Variants in KIF13A observed in about 807,000 individuals in gnomAD.
KIF13A encodes kinesin family member 13A, also known as kinesin-like protein KIF13A.
Under a neutral mutation model 212.2 loss-of-function variants are expected in KIF13A, and 79 were observed. The observed-to-expected ratio is 0.37, with a 90% CI of 0.31 to 0.45. KIF13A has a LOEUF of 0.45. KIF13A is among the 20% of genes least tolerant of loss of function. KIF13A has a pLI of 1.00. For missense variants in KIF13A, 1,901 were observed against 2,209.0 expected (o/e 0.86, Z 2.79); for synonymous variants, 789 against 808.6 (o/e 0.98, Z 0.41).
At chr6:17,966,688 G>C (rs1779346350) in intron 2 of KIF13A, among the ~76,000 whole-genome samples, 1 of 152,206 alleles carries the variant, frequency 6.6e-6, no homozygotes, top group South Asian at 2.1e-4. Context: ...AGATAGTTTT[G>C]AGAAATGTAT....
intron 2 of KIF13A, among the ~76,000 whole-genome samples, chr6:17,929,647 G>A (rs191812455): frequency 3.3e-5 from 5 of 152,240 alleles, no homozygotes; most frequent in South Asian, 4.1e-4. Flanking sequence ...TGATCTGCCC[G>A]CCTTGGCCTC....
chr6:17,793,914 T>TAA (rs548506216), intron 25 of KIF13A, among the ~76,000 whole-genome samples: 4 of 147,780 alleles, frequency 2.7e-5, no homozygotes, highest in African/African-American at 1.0e-4. Context: ...CCCTATCTTT[T>TAA]AAAAAAAAAA....
At chr6:17,814,002 G>C (rs1009112140) in intron 17 of KIF13A, among the ~76,000 whole-genome samples, 1 of 145,458 alleles carries the variant, frequency 6.9e-6, no homozygotes, top group Non-Finnish European at 1.5e-5. Flanking sequence ...GCCCAGGCTG[G>C]AGTGCAGTGG....
At chr6:17,977,068 C>T (rs563385203) in intron 2 of KIF13A, among the ~76,000 whole-genome samples, 1 of 148,996 alleles carries the variant, frequency 6.7e-6, no homozygotes, top group East Asian at 2.0e-4. Flanking sequence ...CGCCACTGCA[C>T]TCCAGCCTGG....
chr6:17,889,968 A>G (rs1041260015), intron 3 of KIF13A, among the ~76,000 whole-genome samples: 2 of 152,166 alleles, frequency 1.3e-5, no homozygotes, highest in Non-Finnish European at 2.9e-5. Context: ...AACACGGAGA[A>G]ACCTGTTGAC....
In KIF13A at chr6:17,826,806, T is replaced by A. The variant is rs1764996545; in HGVS notation, c.1533-682A>T. On this transcript the variant is annotated intron_variant, in intron 14 of 38. Coordinates refer to ENST00000259711, the MANE Select transcript of KIF13A (RefSeq NM_022113.6). This position sits in a 1 kb window ranked among gnomAD's most constrained non-coding sequence, Gnocchi z 4.7. ...GAATTATTATTAATTATTTTAGGTATGATGATATTGAAACTATATTTAAGA... is the reference window on the plus strand; with the variant it reads ...GAATTATTATTAATTATTTTAGGTAAGATGATATTGAAACTATATTTAAGA... Among the ~76,000 whole-genome samples, 2 of 143,604 alleles carry A rather than the reference T, an allele frequency of 1.4e-5. No individual in the cohort carries two copies. The highest frequency in any genetic ancestry group is 1.5e-4 in the Admixed American group (2 of 13,746). 94.2% of individuals were successfully genotyped at this position (143,604 alleles called of 152,430 possible).
chr6:17,965,021 G>C (rs987490552), intron 2 of KIF13A, among the ~76,000 whole-genome samples: 2 of 152,000 alleles, frequency 1.3e-5, no homozygotes, highest in Non-Finnish European at 2.9e-5. Context: ...TAGAGATGGG[G>C]TTTCACCATG....
Position 17,856,719 on chromosome 6 carries a change from C to T in KIF13A, c.221-597G>A, listed in dbSNP as rs996874612. 1.7e-4 allele frequency among the ~76,000 whole-genome samples: 26 copies of T among 152,188 alleles called. No homozygotes were observed. The highest frequency in any genetic ancestry group is 3.2e-4 in the Non-Finnish European group (22 of 68,040). ...ACTGCAGCTCTTGGGGGCATTGTGTCATGTACTATACTATGGCAGAGCGGG... is the reference window on the plus strand; with the variant it reads ...ACTGCAGCTCTTGGGGGCATTGTGTTATGTACTATACTATGGCAGAGCGGG... On this transcript the variant is annotated intron_variant, in intron 4 of 38. Transcript: ENST00000259711. This position sits in a 1 kb window ranked among gnomAD's most constrained non-coding sequence, Gnocchi z 4.5.
chr6:17,950,532 C>A, intron 2 of KIF13A: 1 of 985,322 alleles, frequency 1.0e-6, no homozygotes, highest in Non-Finnish European at 1.2e-6. Context: ...CACAAACACA[C>A]ATTCCTTTCT....
chr6:17,820,308 C>T (rs1169344121), intron 16 of KIF13A, among the ~76,000 whole-genome samples: 1 of 152,184 alleles, frequency 6.6e-6, no homozygotes, highest in Admixed American at 6.5e-5. Flanking sequence ...GCCCCATTCC[C>T]GAACTCCCAG....
chr6:17,932,625 G>A (rs548729738), intron 2 of KIF13A, among the ~76,000 whole-genome samples: 11 of 152,174 alleles, frequency 7.2e-5, no homozygotes, highest in Admixed American at 2.0e-4. Flanking sequence ...CTGACACACC[G>A]GAACTGTCAC....
At chr6:17,807,461 G>A (rs1204406531) in intron 18 of KIF13A, among the ~76,000 whole-genome samples, 1 of 152,018 alleles carries the variant, frequency 6.6e-6, no homozygotes, top group Non-Finnish European at 1.5e-5. Flanking sequence ...GCTTACTAGG[G>A]TGGGGAAAAA....
intron 2 of KIF13A, among the ~76,000 whole-genome samples, chr6:17,909,138 C>T (rs949217127): frequency 5.3e-5 from 8 of 152,316 alleles, no homozygotes; most frequent in East Asian, 3.9e-4. Context: ...CAATTATACA[C>T]GCAAAATGTC....
At chr6:17,962,221 G>C (rs1778877425) in intron 2 of KIF13A, among the ~76,000 whole-genome samples, 1 of 152,042 alleles carries the variant, frequency 6.6e-6, no homozygotes, top group Non-Finnish European at 1.5e-5. Flanking sequence ...TGAGGCAAGA[G>C]AACTACTTGA....
intron 11 of KIF13A, among the ~76,000 whole-genome samples, chr6:17,835,036 A>C (rs754966569): frequency 1.3e-5 from 2 of 151,646 alleles, no homozygotes; most frequent in Admixed American, 6.6e-5. Flanking sequence ...AAAAAAATTC[A>C]CTGGGTATAA....
intron 2 of KIF13A, chr6:17,950,406 T>G: frequency 1.0e-6 from 1 of 970,712 alleles, no homozygotes; most frequent in Non-Finnish European, 1.2e-6. Context: ...CACAGACATG[T>G]GCTTTCAGAA....
chr6:17,857,750 A>G (rs1268842935), intron 4 of KIF13A, among the ~76,000 whole-genome samples: 1 of 152,310 alleles, frequency 6.6e-6, no homozygotes, highest in East Asian at 1.9e-4. Context: ...ACTTGACAGC[A>G]TCTATAAAAG....
chr6:17,855,648 G>A lies in KIF13A; in HGVS notation c.314-31C>T, dbSNP rs1185291315. ...GAACAGCAAGGAAAAAGAAGAACAG[G>A]TAGAGGAGGGAGCAAAATGCAATGC... On this transcript the variant is annotated intron_variant, in intron 5 of 38. Transcript: ENST00000259711. This position sits in a 1 kb window ranked among gnomAD's most constrained non-coding sequence, Gnocchi z 4.1. 6.5e-7 allele frequency: 1 copy of A among 1,544,304 alleles called. No individual in the cohort carries two copies. Among genetic ancestry groups the A allele is most frequent in the South Asian group, 1.2e-5 (1 of 83,628 alleles).
chr6:17,956,247 G>T (rs1299918250), intron 2 of KIF13A, among the ~76,000 whole-genome samples: 1 of 152,174 alleles, frequency 6.6e-6, no homozygotes, highest in Non-Finnish European at 1.5e-5. Context: ...AAAAGGCTAG[G>T]ATTTACTTTC....
Sources: allele counts gnomAD v4.1 joint callset (sites outside exome capture counted in the v4.1 genomes callset), GRCh38; gene constraint gnomAD v4.1.1; non-coding constraint Gnocchi (gnomAD v3.1); transcripts MANE v1.5; gene names NCBI Gene and HGNC (gene_info 2026-07-23, HGNC 2026-07-21).